Variants in PHKB observed in about 807,000 individuals in gnomAD.
The protein encoded by PHKB is phosphorylase kinase regulatory subunit beta.
PHKB carries 122 observed loss-of-function variants against 152.1 expected under a neutral mutation model. That is an observed-to-expected ratio of 0.80 (90% CI 0.69 to 0.93). The LOEUF (loss-of-function observed/expected upper bound fraction) is 0.93, where lower values mean the gene tolerates loss of function less well. Among genes scored for constraint, PHKB ranks in the 40% least tolerant of loss-of-function variants. The pLI, the probability that PHKB is intolerant of heterozygous loss-of-function variation, is 0.00. For missense variants in PHKB, 1,304 were observed against 1,328.4 expected (o/e 0.98, Z 0.29); for synonymous variants, 436 against 464.9 (o/e 0.94, Z 0.80).
At chr16:47,696,831 A>G (rs1974156949) in intron 29 of PHKB, among the ~76,000 whole-genome samples, 1 of 152,180 alleles carries the variant, frequency 6.6e-6, no homozygotes, top group Non-Finnish European at 1.5e-5. Flanking sequence ...ACCTTTTTCT[A>G]TTCACTTTCT....
chr16:47,510,299 C>CA (rs1970488931), intron 4 of PHKB, among the ~76,000 whole-genome samples: 1 of 152,138 alleles, frequency 6.6e-6, no homozygotes, highest in South Asian at 2.1e-4. Context: ...TTCCTTTCTG[C>CA]ACGTCCCCTG....
chr16:47,655,313 CTTAATTTTAAAAGATG>C (rs1567343483), intron 20 of PHKB, among the ~76,000 whole-genome samples: 1 of 152,106 alleles, frequency 6.6e-6, no homozygotes, highest in Admixed American at 6.5e-5. Flanking sequence ...GATTAAATGA[CTTAATTTTAAAAGATG>C]TTTATTTTAA....
intron 18 of PHKB, among the ~76,000 whole-genome samples, chr16:47,649,893 G>T (rs1973204202): frequency 6.6e-6 from 1 of 150,862 alleles, no homozygotes. Flanking sequence ...ATGATTTTAT[G>T]TAAGTCTTTC....
At chr16:47,652,076 T>C (rs1393173765) in intron 20 of PHKB, among the ~76,000 whole-genome samples, 2 of 152,114 alleles carry the variant, frequency 1.3e-5, no homozygotes, top group Admixed American at 6.5e-5. Flanking sequence ...ATTATCTCTT[T>C]CGGGGTTTTT....
intron 13 of PHKB, among the ~76,000 whole-genome samples, chr16:47,604,237 A>G (rs935475236): frequency 1.3e-5 from 2 of 152,208 alleles, no homozygotes; most frequent in African/African-American, 4.8e-5. Flanking sequence ...TATTAAGTGT[A>G]TAAAACCTCT....
At chr16:47,582,124 A>G (rs934725418) in intron 8 of PHKB, among the ~76,000 whole-genome samples, 1 of 152,246 alleles carries the variant, frequency 6.6e-6, no homozygotes, top group Non-Finnish European at 1.5e-5. Context: ...CAGTCTGGAA[A>G]GGTACAGGTC....
chr16:47,679,531 A>C (rs1047198486), intron 26 of PHKB, among the ~76,000 whole-genome samples: 1 of 152,166 alleles, frequency 6.6e-6, no homozygotes, highest in African/African-American at 2.4e-5. Flanking sequence ...TCTTTGAAGC[A>C]ATTGTGAATG....
chr16:47,609,912 A>G (rs1972395508), intron 13 of PHKB, among the ~76,000 whole-genome samples: 1 of 151,844 alleles, frequency 6.6e-6, no homozygotes, highest in Non-Finnish European at 1.5e-5. Flanking sequence ...TGTTTCATTA[A>G]TTTCCACTCT....
At chr16:47,607,074 T>G (rs1443438491) in intron 13 of PHKB, among the ~76,000 whole-genome samples, 1 of 152,224 alleles carries the variant, frequency 6.6e-6, no homozygotes, top group Non-Finnish European at 1.5e-5. Context: ...ACATTATTTC[T>G]TAACAAACTG....
intron 7 of PHKB, among the ~76,000 whole-genome samples, chr16:47,563,997 T>G (rs1026121781): frequency 2.7e-5 from 4 of 149,118 alleles, no homozygotes; most frequent in Non-Finnish European, 6.0e-5. Context: ...TTTCATTCTT[T>G]TTTTTTTTTT....
At chr16:47,699,172 CT>C (rs1974205896) in intron 30 of PHKB, 56 bp from the exon 31 acceptor site, 2 of 1,544,924 alleles carry the variant, frequency 1.3e-6, no homozygotes, top group Non-Finnish European at 1.8e-6. Context: ...CAGATTTTAC[CT>C]GTCAACTCTT....
chr16:47,647,874 A>G (rs1178698543), intron 16 of PHKB, among the ~76,000 whole-genome samples: 2 of 152,250 alleles, frequency 1.3e-5, no homozygotes, highest in African/African-American at 2.4e-5. Flanking sequence ...GAACCCATTT[A>G]TGTAAATATA....
At chr16:47,602,382 C>T (rs1358150417) in intron 13 of PHKB, among the ~76,000 whole-genome samples, 2 of 152,008 alleles carry the variant, frequency 1.3e-5, no homozygotes, top group African/African-American at 4.8e-5. Flanking sequence ...TCCCAAAGTT[C>T]TTTGGTAAGT....
chr16:47,623,557 ATTTTTTT>A (rs35402802), intron 14 of PHKB, among the ~76,000 whole-genome samples: 3 of 86,290 alleles, frequency 3.5e-5, no homozygotes, highest in East Asian at 3.4e-4. Context: ...GACAGTTTTG[ATTTTTTT>A]TTTTTTTTTT....
chr16:47,699,179 C>T, intron 30 of PHKB, 50 bp from the exon 31 acceptor site: 1 of 1,596,120 alleles, frequency 6.3e-7, no homozygotes, highest in Non-Finnish European at 8.6e-7. Context: ...TACCTGTCAA[C>T]TCTTTACAAA....
intron 4 of PHKB, among the ~76,000 whole-genome samples, chr16:47,504,805 C>T (rs1432546478): frequency 2.6e-5 from 4 of 152,372 alleles, no homozygotes; most frequent in Non-Finnish European, 4.4e-5. Flanking sequence ...TGAAGGCCAG[C>T]GCACTCCCTG....
chr16:47,564,575 G>A (rs1390554600), intron 7 of PHKB, among the ~76,000 whole-genome samples: 1 of 151,990 alleles, frequency 6.6e-6, no homozygotes, highest in African/African-American at 2.4e-5. Flanking sequence ...TAGATACCCT[G>A]TAGTGGGATT....
intron 9 of PHKB, 36 bp from the exon 10 acceptor site, chr16:47,588,869 T>G: frequency 6.4e-7 from 1 of 1,552,870 alleles, no homozygotes; most frequent in Non-Finnish European, 8.9e-7. Context: ...CACATCGCTG[T>G]GGACACTCAC....
intron 7 of PHKB, chr16:47,565,810 T>C: frequency 6.8e-7 from 1 of 1,463,190 alleles, no homozygotes; most frequent in Non-Finnish European, 9.5e-7. Context: ...GCTGTGTCAA[T>C]GGGCTTTGTC....
Sources: gnomAD v4.1 joint callset for allele counts (sites outside exome capture counted in the v4.1 genomes callset) on GRCh38, gnomAD v4.1.1 for gene constraint, MANE v1.5 for transcripts, NCBI Gene and HGNC (gene_info 2026-07-23, HGNC 2026-07-21) for gene names.